WWOX: variants seen among roughly 807,000 people sequenced by gnomAD.
The protein encoded by WWOX is WW domain-containing oxidoreductase.
Under a neutral mutation model 46.2 loss-of-function variants are expected in WWOX, and 69 were observed. The ratio of observed to expected loss-of-function variants is 1.49; its 90% CI spans 1.23 to 1.82. The LOEUF (loss-of-function observed/expected upper bound fraction) is 1.82, where lower values mean the gene tolerates loss of function less well. Ranked by LOEUF, WWOX falls within the 40% of genes most tolerant of loss-of-function variation. The pLI is 0.00. For synonymous variants in WWOX, 359 were observed against 202.6 expected, an observed-to-expected ratio of 1.77 and a Z score of -6.56; for missense variants, 919 against 542.6, an observed-to-expected ratio of 1.69 and a Z score of -6.89.
At chr16:78,800,188 G>C (rs1364522700) in intron 8 of WWOX, among the ~76,000 whole-genome samples, 1 of 151,630 alleles carries the variant, frequency 6.6e-6, no homozygotes, top group Non-Finnish European at 1.5e-5. Flanking sequence ...CTGAGAAGGA[G>C]AAAAAATATG....
At chr16:78,693,331 G>C (rs1318590188) in intron 8 of WWOX, among the ~76,000 whole-genome samples, 3 of 152,098 alleles carry the variant, frequency 2.0e-5, no homozygotes, top group Non-Finnish European at 4.4e-5. Flanking sequence ...GCATATCTCA[G>C]AGGAATTTCT....
intron 8 of WWOX, chr16:79,205,370 GTTT>G (rs909020083): frequency 3.3e-5 from 5 of 152,156 alleles, no homozygotes; most frequent in African/African-American, 9.7e-5. Context: ...GGAGCCTGAG[GTTT>G]TTCTACCTTT....
chr16:78,841,844 T>G (rs1020404864), intron 8 of WWOX, among the ~76,000 whole-genome samples: 6 of 152,222 alleles, frequency 3.9e-5, no homozygotes, highest in African/African-American at 9.7e-5. Context: ...TATTCATGAA[T>G]TTTATTTCAG....
chr16:78,397,259 C>T (rs759939853), intron 6 of WWOX, among the ~76,000 whole-genome samples: 13 of 152,198 alleles, frequency 8.5e-5, no homozygotes, highest in South Asian at 4.2e-4. Context: ...GATACTGAAG[C>T]GCTAATTGGA....
At chr16:78,788,316 C>A (rs1028073606) in intron 8 of WWOX, among the ~76,000 whole-genome samples, 4 of 152,088 alleles carry the variant, frequency 2.6e-5, no homozygotes, top group African/African-American at 7.3e-5. Flanking sequence ...TCTATTGTTA[C>A]AATATTGCCT....
intron 8 of WWOX, among the ~76,000 whole-genome samples, chr16:78,634,521 C>T (rs1446098723): frequency 6.6e-6 from 1 of 151,916 alleles, no homozygotes; most frequent in East Asian, 1.9e-4. Flanking sequence ...GCCTGGCCAA[C>T]ATGGTGAAAC....
At chr16:78,441,432 T>A (rs1452188443) in intron 8 of WWOX, among the ~76,000 whole-genome samples, 2 of 152,154 alleles carry the variant, frequency 1.3e-5, no homozygotes, top group African/African-American at 4.8e-5. Context: ...TAGTTTAGAA[T>A]GTGTAAATAC....
At chr16:78,336,909 G>A (rs1031671151) in intron 5 of WWOX, among the ~76,000 whole-genome samples, 2 of 152,096 alleles carry the variant, frequency 1.3e-5, no homozygotes, top group African/African-American at 4.8e-5. Context: ...CTCCTGAGTA[G>A]CTGGGATTAC....
chr16:78,930,532 C>A (rs748993707), intron 8 of WWOX, among the ~76,000 whole-genome samples: 1 of 148,988 alleles, frequency 6.7e-6, no homozygotes, highest in Non-Finnish European at 1.5e-5. Context: ...CTCAAGTGAT[C>A]CGCCAGCCTC....
intron 8 of WWOX, among the ~76,000 whole-genome samples, chr16:78,752,402 C>T (rs1164999833): frequency 6.6e-6 from 1 of 152,186 alleles, no homozygotes; most frequent in East Asian, 1.9e-4. Flanking sequence ...ATTCTTCTGC[C>T]TCAGCCTTCT....
chr16:78,494,063 A>C (rs1387065281), intron 8 of WWOX, among the ~76,000 whole-genome samples: 1 of 152,122 alleles, frequency 6.6e-6, no homozygotes, highest in Non-Finnish European at 1.5e-5. Context: ...GCCTCTCGGG[A>C]GGCCTCAGGA....
chr16:78,492,116 A>G (rs577517262), intron 8 of WWOX, among the ~76,000 whole-genome samples: 8 of 152,302 alleles, frequency 5.3e-5, no homozygotes, highest in African/African-American at 1.9e-4. Context: ...CTGGTTTCAC[A>G]TGACAAGTAA....
intron 8 of WWOX, among the ~76,000 whole-genome samples, chr16:78,794,090 G>T (rs1395084935): frequency 6.6e-6 from 1 of 152,054 alleles, no homozygotes; most frequent in East Asian, 1.9e-4. Flanking sequence ...AGGAGATGGG[G>T]TCTTTTGGGA....
intron 8 of WWOX, among the ~76,000 whole-genome samples, chr16:78,697,942 T>A (rs984284039): frequency 1.3e-5 from 2 of 152,170 alleles, no homozygotes; most frequent in Admixed American, 6.6e-5. Flanking sequence ...TAAGCAAGAA[T>A]CACTCCAGGT....
chr16:78,479,974 G>T (rs977455597), intron 8 of WWOX, among the ~76,000 whole-genome samples: 6 of 152,100 alleles, frequency 3.9e-5, no homozygotes, highest in Non-Finnish European at 5.9e-5. Flanking sequence ...AGGATTCCAT[G>T]GCTTTACACT....
chr16:78,293,152 C>T (rs1211997060), intron 5 of WWOX, among the ~76,000 whole-genome samples: 1 of 152,216 alleles, frequency 6.6e-6, no homozygotes, highest in Non-Finnish European at 1.5e-5. Flanking sequence ...CCTCCTCCTC[C>T]ATTCTAGCTG....
intron 8 of WWOX, among the ~76,000 whole-genome samples, chr16:78,493,132 T>C (rs2084826965): frequency 6.6e-6 from 1 of 152,304 alleles, no homozygotes; most frequent in Admixed American, 6.5e-5. Flanking sequence ...TGTTGGAGCC[T>C]GGACTTCTTC....
At chr16:79,096,962 G>T (rs2049088163) in intron 8 of WWOX, among the ~76,000 whole-genome samples, 1 of 152,116 alleles carries the variant, frequency 6.6e-6, no homozygotes, top group South Asian at 2.1e-4. Context: ...AGGGGGCCAG[G>T]AAGAAGCCAG....
chr16:78,435,230 T>C (rs1464940003), intron 8 of WWOX, among the ~76,000 whole-genome samples: 1 of 152,024 alleles, frequency 6.6e-6, no homozygotes, highest in Non-Finnish European at 1.5e-5. Flanking sequence ...TGGACGAAGG[T>C]TGCAACTCAG....
Sources: allele counts gnomAD v4.1 joint callset (sites outside exome capture counted in the v4.1 genomes callset), GRCh38; gene constraint gnomAD v4.1.1; transcripts MANE v1.5; gene names NCBI Gene and HGNC (gene_info 2026-07-23, HGNC 2026-07-21).